The following RFX1 variants were observed in gnomAD, a reference collection of about 807,000 sequenced individuals.
RFX1 encodes regulatory factor X1, also known as MHC class II regulatory factor RFX1.
Under a neutral mutation model 119.6 loss-of-function variants are expected in RFX1, and 42 were observed. The observed-to-expected ratio is 0.35, with a 90% confidence interval of 0.27 to 0.45. RFX1 has a LOEUF of 0.45. RFX1 is among the 20% of genes least tolerant of loss of function. RFX1 has a pLI of 1.00. For missense variants in RFX1, 1,118 were observed against 1,368.1 expected, an observed-to-expected ratio of 0.82 and a Z score of 2.88; for synonymous variants, 628 against 618.5, an observed-to-expected ratio of 1.02 and a Z score of -0.23.
chr19:13,968,549 G>A lies in RFX1; in HGVS notation c.1732+16C>T. On this transcript the variant is annotated intron_variant, in intron 12 of 20. Coordinates refer to ENST00000254325, the MANE Select transcript of RFX1 (RefSeq NM_002918.5). The surrounding 1 kb of genome is among the most constrained non-coding windows in gnomAD (Gnocchi z 5.5). ...GGAGGCGGTGGTTGGGGAAGCACGGGCCAGGGAGCTCTCACCCAAAAATTG... is the reference window on the plus strand; with the variant it reads ...GGAGGCGGTGGTTGGGGAAGCACGGACCAGGGAGCTCTCACCCAAAAATTG... 8 of 1,596,298 alleles carry A rather than the reference G, an allele frequency of 5.0e-6. No individual in the cohort carries two copies. The highest frequency in any genetic ancestry group is 6.9e-6 in the Non-Finnish European group (8 of 1,164,430).
chr19:13,972,245 T>G (rs1208383432), intron 9 of RFX1, among the ~76,000 whole-genome samples: 7 of 151,162 alleles, frequency 4.6e-5, no homozygotes, highest in Non-Finnish European at 4.4e-5. Flanking sequence ...CTCCCAGGCT[T>G]GAGTGCGGTG....
chr19:14,003,193 C>T (rs899098265), intron 1 of RFX1, among the ~76,000 whole-genome samples: 1 of 152,164 alleles, frequency 6.6e-6, no homozygotes, highest in African/African-American at 2.4e-5. Context: ...ACCGTGTTGG[C>T]CAGGCTGGTC....
Position 13,993,599 on chromosome 19 carries a change from G to A in RFX1, c.245C>T (p.Pro82Leu). 1.2e-6 allele frequency: 2 copies of A among 1,612,024 alleles called. No homozygotes were observed. Residue 82 changes from proline (P) to leucine (L), a missense_variant, in exon 2 of 21, where the codon CCC becomes CTC. Pro to Leu is a moderately conservative substitution (Grantham distance 98, BLOSUM62 -3). Transcript: ENST00000254325. ...TGCACCGGTTGGCTGCGAGGGTGCG[G>A]GTACAGCCGGGAGCTCCGTCACGTA... is the stretch of plus-strand genomic sequence containing the variant. Reference protein sequence around the residue: ...KQYVTELPAVPAPSQPTGAPT... With the variant: ...KQYVTELPAVLAPSQPTGAPT...
At chr19:13,996,468 G>A (rs1376881871) in intron 1 of RFX1, among the ~76,000 whole-genome samples, 2 of 152,204 alleles carry the variant, frequency 1.3e-5, no homozygotes, top group Non-Finnish European at 2.9e-5. Context: ...GAAGGAGGAG[G>A]TAAAAAACAA....
chr19:13,967,780 A>G (rs1973952418), intron 12 of RFX1, among the ~76,000 whole-genome samples: 1 of 152,078 alleles, frequency 6.6e-6, no homozygotes, highest in Non-Finnish European at 1.5e-5. Context: ...ACCAGGCCTT[A>G]CTTTTAGAAA....
At chr19:13,997,751 C>A (rs1482884301) in intron 1 of RFX1, among the ~76,000 whole-genome samples, 2 of 152,282 alleles carry the variant, frequency 1.3e-5, no homozygotes, top group East Asian at 1.9e-4. Context: ...CAGGTGAGGT[C>A]ATTCTGGTAG....
At chr19:13,963,773 C>A in intron 17 of RFX1, 27 bp from the exon 18 acceptor site, 9 of 1,520,080 alleles carry the variant, frequency 5.9e-6, no homozygotes, top group Non-Finnish European at 7.9e-6. Flanking sequence ...GGGCGGGCGC[C>A]CGGGGCTCAG....
intron 2 of RFX1, among the ~76,000 whole-genome samples, chr19:13,987,528 A>G (rs1974642890): frequency 6.6e-6 from 1 of 151,800 alleles, no homozygotes; most frequent in South Asian, 2.1e-4. Flanking sequence ...GGCAGCCTTC[A>G]CTGGTGTCAG....
In RFX1 at chr19:13,982,246, G is replaced by A; in HGVS notation, c.514-18C>T. The A allele has an allele frequency of 7.8e-7, 1 of 1,277,352 alleles. No individual in the cohort carries two copies. The allele number at this position is 1,277,352 out of a possible 1,614,324, so 79.1% of individuals were successfully genotyped here. A position where few individuals can be genotyped will look rare whatever the true frequency, so the allele number is the denominator to read the frequency against. ...GGAAGAGCCTGGGGCCAGGGAGGGA[G>A]AGGGAGGGCAGATCACTGATGACAG... On this transcript the variant is annotated intron_variant, in intron 4 of 20. Coordinates refer to ENST00000254325, the MANE Select transcript of RFX1 (RefSeq NM_002918.5).
chr19:14,004,907 C>T (rs1456365849), intron 1 of RFX1, among the ~76,000 whole-genome samples: 2 of 152,194 alleles, frequency 1.3e-5, no homozygotes, highest in African/African-American at 4.8e-5. Flanking sequence ...AGATTCTCCT[C>T]TCACAAACAT....
chr19:13,970,358 G>A (rs1052329049), intron 9 of RFX1, among the ~76,000 whole-genome samples, 183 bp from the exon 10 acceptor site: 1 of 152,082 alleles, frequency 6.6e-6, no homozygotes, highest in African/African-American at 2.4e-5. Context: ...GAACTGCACT[G>A]TCCAATACAG....
rs764676523 is a variant in RFX1 at position 13,968,532 on chromosome 19, T to TG, written c.1732+32dup. The TG allele has an allele frequency of 1.9e-6, 3 of 1,539,128 alleles. No individual in the cohort carries two copies. The highest frequency in any genetic ancestry group is 2.7e-6 in the Non-Finnish European group (3 of 1,112,704). On this transcript the variant is annotated intron_variant, in intron 12 of 20. Coordinates refer to ENST00000254325, the MANE Select transcript of RFX1 (RefSeq NM_002918.5). This position sits in a 1 kb window ranked among gnomAD's most constrained non-coding sequence, Gnocchi z 5.5. The stretch of plus-strand genomic sequence containing the variant: ...CCGTCTGCACGGGGCAGGGAGGCGG[T>TG]GGTTGGGGAAGCACGGGCCAGGGAG...
intron 2 of RFX1, among the ~76,000 whole-genome samples, chr19:13,987,768 G>A (rs1416491838): frequency 6.6e-6 from 1 of 152,210 alleles, no homozygotes; most frequent in Non-Finnish European, 1.5e-5. Flanking sequence ...TGGAGTGGCA[G>A]GGAAATGAAA....
At chr19:13,988,171 C>T (rs1020266665) in intron 2 of RFX1, among the ~76,000 whole-genome samples, 4 of 152,114 alleles carry the variant, frequency 2.6e-5, no homozygotes, top group African/African-American at 4.8e-5. Flanking sequence ...GTGCTACAGG[C>T]ACACGCCAAC....
rs767829998 is a variant in RFX1, at chr19:13,965,717, C to T, written c.2022G>A (p.Glu674=). 1.2e-6 allele frequency: 2 copies of T among 1,613,908 alleles called. No homozygotes were observed. Among genetic ancestry groups the T allele is most frequent in the South Asian group, 2.2e-5 (2 of 91,084 alleles). ...KAILVLLSKF[E]PVLQWTKHCD... ...AGTGCTTGGTCCATTGGAGCACGGG[C>T]TCGAACTTGGAGAGGAGCACCAGGA... The change falls in exon 15 of 21, where the codon GAG becomes GAA. Residue 674 remains glutamate (E), a synonymous_variant. Coordinates refer to ENST00000254325, the MANE Select transcript of RFX1 (RefSeq NM_002918.5). The surrounding 1 kb of genome is among the most constrained non-coding windows in gnomAD (Gnocchi z 4.7).
chr19:13,982,370 C>T (rs955868537), intron 4 of RFX1, 142 bp from the exon 5 acceptor site: 6 of 412,276 alleles, frequency 1.5e-5, no homozygotes, highest in African/African-American at 1.0e-4. Flanking sequence ...CCTGATGAAG[C>T]TCGGCTACTG....
intron 2 of RFX1, among the ~76,000 whole-genome samples, chr19:13,987,875 C>T (rs776358485): frequency 6.6e-6 from 1 of 152,164 alleles, no homozygotes; most frequent in Non-Finnish European, 1.5e-5. Context: ...AGCCTGCCCT[C>T]ATGGGTACAG....
chr19:13,981,151 C>T (rs547702370), intron 5 of RFX1, among the ~76,000 whole-genome samples: 2 of 152,256 alleles, frequency 1.3e-5, no homozygotes, highest in East Asian at 3.9e-4. Flanking sequence ...TGGCTGCAGG[C>T]GATGAGGCAC....
chr19:13,980,645 C>T lies in RFX1; in HGVS notation c.666G>A (p.Gly222=), dbSNP rs1361118493. ...QANSSSSKTA[G]APTGTVPQQL... ...GCTGTGGCACTGTGCCCGTGGGGGC[C>T]CCGGCTGTCTTGCTGGAAGAGCTGT... is the stretch of plus-strand genomic sequence containing the variant. The change falls in exon 6 of 21, where the codon GGG becomes GGA. Residue 222 remains glycine, a synonymous_variant. Coordinates refer to ENST00000254325, the MANE Select transcript of RFX1 (RefSeq NM_002918.5). The surrounding 1 kb of genome is among the most constrained non-coding windows in gnomAD (Gnocchi z 5.1). The T allele has an allele frequency of 1.3e-6, 2 of 1,589,386 alleles. No individual in the cohort carries two copies. The highest frequency in any genetic ancestry group is 1.7e-6 in the Non-Finnish European group (2 of 1,173,846).
Sources: allele counts gnomAD v4.1 joint callset (sites outside exome capture counted in the v4.1 genomes callset), GRCh38; gene constraint gnomAD v4.1.1; non-coding constraint Gnocchi (gnomAD v3.1); transcripts MANE v1.5; gene names NCBI Gene and HGNC (gene_info 2026-07-23, HGNC 2026-07-21).